Variants in FOXP2 observed in about 807,000 individuals in gnomAD.
FOXP2 encodes forkhead box P2.
Under a neutral mutation model 115.8 loss-of-function variants are expected in FOXP2, and 12 were observed. The ratio of observed to expected loss-of-function variants is 0.10; its 90% CI spans 0.07 to 0.17. The LOEUF is 0.17. FOXP2 is among the 10% of genes least tolerant of loss of function. FOXP2 has a pLI of 1.00. For missense variants in FOXP2, 629 were observed against 843.5 expected, an observed-to-expected ratio of 0.75 and a Z score of 3.15; for synonymous variants, 328 against 297.7, an observed-to-expected ratio of 1.10 and a Z score of -1.05.
intron 2 of FOXP2, among the ~76,000 whole-genome samples, chr7:114,302,715 A>G (rs1796906928): frequency 6.6e-6 from 1 of 152,178 alleles, no homozygotes; most frequent in Non-Finnish European, 1.5e-5. Context: ...ATGATAGAAT[A>G]ATCATTCCAT....
At chr7:114,376,286 A>G (rs1399015670) in intron 2 of FOXP2, among the ~76,000 whole-genome samples, 1 of 152,226 alleles carries the variant, frequency 6.6e-6, no homozygotes, top group Non-Finnish European at 1.5e-5. Context: ...TTTCCATGAG[A>G]ACAAATTAGA....
intron 1 of FOXP2, among the ~76,000 whole-genome samples, chr7:114,108,932 A>T (rs1488297946): frequency 6.6e-6 from 1 of 151,976 alleles, no homozygotes; most frequent in Non-Finnish European, 1.5e-5. Context: ...TTTAGCGGAA[A>T]AAAATAGGCC....
intron 11 of FOXP2, among the ~76,000 whole-genome samples, chr7:114,658,517 A>G (rs1334764394): frequency 6.6e-6 from 1 of 152,218 alleles, no homozygotes; most frequent in Non-Finnish European, 1.5e-5. Context: ...AGGATAGCCC[A>G]TATTATCACC....
intron 16 of FOXP2, among the ~76,000 whole-genome samples, chr7:114,684,277 A>G (rs1808243173): frequency 6.6e-6 from 1 of 152,212 alleles, no homozygotes. Flanking sequence ...CCAGATGCAT[A>G]TGATATTGCA....
In FOXP2 at chr7:114,203,882, A is replaced by T. The variant is rs532156404; in HGVS notation, c.-102+40794A>T. ...TTAACACCATAAATAGAAAAACTACATTGAGGGTATGGGTGGAATTAATCA... is the reference window on the plus strand; with the variant it reads ...TTAACACCATAAATAGAAAAACTACTTTGAGGGTATGGGTGGAATTAATCA... On this transcript the variant is annotated intron_variant, in intron 1 of 17. Transcript: ENST00000634411. 2.1e-4 allele frequency among the ~76,000 whole-genome samples: 32 copies of T among 152,280 alleles called. 1 individual carries two copies. Among genetic ancestry groups the T allele is most frequent in the African/African-American group, 6.7e-4 (28 of 41,558 alleles).
At chr7:114,514,702 T>A (rs1031685130) in intron 2 of FOXP2, among the ~76,000 whole-genome samples, 1 of 151,360 alleles carries the variant, frequency 6.6e-6, no homozygotes, top group Admixed American at 6.6e-5. Context: ...TATTTATTTA[T>A]TTTTTATATT....
At position 114,370,420 on chromosome 7, in the gene FOXP2, A is replaced by G. The variant is rs572702995; in HGVS notation, c.-10-56082A>G. On this transcript the variant is annotated intron_variant, in intron 2 of 17. Coordinates refer to the FOXP2 transcript ENST00000634411. Reference sequence around the variant, plus strand: ...TTTGGCCAACAGACATGAACAAATTAGTATAGTGTACCTGTGTTGGCTCTG... The same window carrying G: ...TTTGGCCAACAGACATGAACAAATTGGTATAGTGTACCTGTGTTGGCTCTG... 7.9e-5 allele frequency among the ~76,000 whole-genome samples: 12 copies of G among 152,344 alleles called. 2 individuals are homozygous for G. The South Asian group carries it at 2.5e-3, about 32-fold the overall frequency.
intron 2 of FOXP2, among the ~76,000 whole-genome samples, chr7:114,367,695 G>C (rs535458288): frequency 6.6e-6 from 1 of 152,130 alleles, no homozygotes; most frequent in South Asian, 2.1e-4. Context: ...CTCATCTACT[G>C]TTCCCTGATC....
Position 114,234,487 on chromosome 7 carries a change from G to A in FOXP2, c.-101-53532G>A, listed in dbSNP as rs557078219. ...CTGAATGAGGTACAGGTTGTTTAACGTTAGCAATATAGCTTCTGTAAACTG... is the reference window on the plus strand; with the variant it reads ...CTGAATGAGGTACAGGTTGTTTAACATTAGCAATATAGCTTCTGTAAACTG... On this transcript the variant is annotated intron_variant, in intron 1 of 17. Coordinates refer to the FOXP2 transcript ENST00000634411. Among the ~76,000 whole-genome samples, 4 of 152,282 alleles carry A rather than the reference G, an allele frequency of 2.6e-5. No individual in the cohort carries two copies. The South Asian group carries it at 8.3e-4, about 32-fold the overall frequency.
At chr7:114,538,373 G>A (rs1391029918) in intron 3 of FOXP2, 6 of 1,302,214 alleles carry the variant, frequency 4.6e-6, no homozygotes, top group South Asian at 1.2e-5. Flanking sequence ...GAGCAGAGAC[G>A]TAAATTTAAG....
At chr7:114,387,130 ACT>A (rs1169386104) in intron 2 of FOXP2, among the ~76,000 whole-genome samples, 33 of 152,244 alleles carry the variant, frequency 2.2e-4, no homozygotes, top group Admixed American at 1.4e-3. Flanking sequence ...AGCCTCAGTT[ACT>A]CTCTAATACT....
chr7:114,617,130 C>T (rs1219079065), intron 3 of FOXP2, among the ~76,000 whole-genome samples: 2 of 152,048 alleles, frequency 1.3e-5, no homozygotes, highest in African/African-American at 4.8e-5. Context: ...ATAACAGCCT[C>T]GTGGACATTC....
chr7:114,268,176 C>T (rs954089436), intron 1 of FOXP2, among the ~76,000 whole-genome samples: 6 of 152,092 alleles, frequency 3.9e-5, no homozygotes, highest in African/African-American at 1.4e-4. Context: ...AATAATATTC[C>T]ATTGTATGTA....
chr7:114,617,548 CTT>C (rs950718592), intron 3 of FOXP2, among the ~76,000 whole-genome samples: 1 of 152,212 alleles, frequency 6.6e-6, no homozygotes, highest in Non-Finnish European at 1.5e-5. Flanking sequence ...AATCCCAACA[CTT>C]TGGGAGGCGG....
intron 1 of FOXP2, among the ~76,000 whole-genome samples, chr7:114,215,879 T>C (rs1046148844): frequency 6.6e-6 from 1 of 152,162 alleles, no homozygotes; most frequent in African/African-American, 2.4e-5. Flanking sequence ...GCCAGGCAGA[T>C]AGAGTTCAAA....
chr7:114,134,738 AT>A, intron 1 of FOXP2, among the ~76,000 whole-genome samples: 1 of 150,934 alleles, frequency 6.6e-6, no homozygotes, highest in Non-Finnish European at 1.5e-5. Context: ...AAGAAATGCT[AT>A]TTGTGACCAG....
intron 3 of FOXP2, among the ~76,000 whole-genome samples, chr7:114,625,336 T>TGTCAC (rs1158266173): frequency 1.3e-5 from 2 of 151,818 alleles, no homozygotes; most frequent in Non-Finnish European, 3.0e-5. Context: ...TCCTCTTCTA[T>TGTCAC]GTCACACGTC....
chr7:114,406,471 T>C (rs906718712), intron 2 of FOXP2, among the ~76,000 whole-genome samples: 1 of 151,988 alleles, frequency 6.6e-6, no homozygotes, highest in African/African-American at 2.4e-5. Context: ...TATTCTGATT[T>C]GAATCCTTAT....
intron 8 of FOXP2, among the ~76,000 whole-genome samples, chr7:114,650,037 T>C (rs1806151526): frequency 6.6e-6 from 1 of 152,166 alleles, no homozygotes; most frequent in Admixed American, 6.6e-5. Context: ...GGTTCTTTTG[T>C]GTTCCACTGA....
Sources: allele counts gnomAD v4.1 joint callset (sites outside exome capture counted in the v4.1 genomes callset), GRCh38; gene constraint gnomAD v4.1.1; transcripts MANE v1.5; gene names NCBI Gene and HGNC (gene_info 2026-07-23, HGNC 2026-07-21).